The following SLC4A4 variants were observed in gnomAD, a reference collection of about 807,000 sequenced individuals.
SLC4A4 encodes solute carrier family 4 member 4.
Under a neutral mutation model 111.5 loss-of-function variants are expected in SLC4A4, and 27 were observed. The ratio of observed to expected loss-of-function variants is 0.24; its 90% CI spans 0.18 to 0.33. The LOEUF (loss-of-function observed/expected upper bound fraction) is 0.33. SLC4A4 is among the 10% of genes least tolerant of loss of function. The pLI is 1.00. For missense variants in SLC4A4, 909 were observed against 1,315.5 expected, an observed-to-expected ratio of 0.69 and a Z score of 4.78; for synonymous variants, 443 against 463.4, an observed-to-expected ratio of 0.96 and a Z score of 0.57.
At chr4:71,293,551 TA>T (rs201768749) in intron 3 of SLC4A4, among the ~76,000 whole-genome samples, 13,298 of 140,314 alleles carry the variant, frequency 0.095, 821 homozygotes, top group Admixed American at 0.23. Context: ...CGACTCCGTC[TA>T]AAAAAAAAAA....
chr4:71,542,348 T>A (rs1735145396), intron 18 of SLC4A4, among the ~76,000 whole-genome samples: 1 of 152,082 alleles, frequency 6.6e-6, no homozygotes, highest in Non-Finnish European at 1.5e-5. Context: ...CTGCCTCTAA[T>A]CTTGACCACT....
At chr4:71,286,098 G>C (rs1723893193) in intron 3 of SLC4A4, among the ~76,000 whole-genome samples, 1 of 152,130 alleles carries the variant, frequency 6.6e-6, no homozygotes, top group South Asian at 2.1e-4. Context: ...AAATTAGACA[G>C]GCATGGTGGC....
intron 14 of SLC4A4, among the ~76,000 whole-genome samples, chr4:71,475,175 CTTTGAGATATTCATGA>C (rs1728248375): frequency 6.6e-6 from 1 of 151,250 alleles, no homozygotes. Flanking sequence ...AAAAAAAACA[CTTTGAGATATTCATGA>C]AGCCAGATGT....
chr4:71,309,824 C>T (rs939494668), intron 3 of SLC4A4, among the ~76,000 whole-genome samples: 37 of 151,748 alleles, frequency 2.4e-4, no homozygotes, highest in African/African-American at 7.3e-4. Flanking sequence ...AATGGGACAC[C>T]GAATGAGTTT....
At chr4:71,487,068 T>A in intron 15 of SLC4A4, 50 bp downstream of exon 15, 1 of 1,049,632 alleles carries the variant, frequency 9.5e-7, no homozygotes, top group Non-Finnish European at 1.5e-6. Context: ...GCATATTGTA[T>A]ACTTGTTTAT....
chr4:71,250,025 T>C (rs1214606140), intron 2 of SLC4A4, among the ~76,000 whole-genome samples: 1 of 152,222 alleles, frequency 6.6e-6, no homozygotes, highest in Non-Finnish European at 1.5e-5. Flanking sequence ...AGTTTTCTTA[T>C]GCATATACTT....
chr4:71,199,803 A>G (rs907451857), intron 1 of SLC4A4, among the ~76,000 whole-genome samples: 2 of 152,050 alleles, frequency 1.3e-5, no homozygotes, highest in African/African-American at 4.8e-5. Context: ...GGAGCGCACC[A>G]CCATGCCTGG....
At chr4:71,528,662 GAT>G (rs759918514) in intron 16 of SLC4A4, among the ~76,000 whole-genome samples, 6 of 151,874 alleles carry the variant, frequency 4.0e-5, no homozygotes, top group Non-Finnish European at 7.4e-5. Flanking sequence ...TTTTTTTTAT[GAT>G]ATTGTTCATT....
intron 6 of SLC4A4, among the ~76,000 whole-genome samples, chr4:71,377,796 T>A (rs1328428689): frequency 2.0e-5 from 3 of 152,154 alleles, no homozygotes. Context: ...ATCATGTTTG[T>A]GTATATTTCA....
intron 5 of SLC4A4, among the ~76,000 whole-genome samples, chr4:71,354,151 A>T (rs1730083976): frequency 6.6e-6 from 1 of 152,152 alleles, no homozygotes; most frequent in African/African-American, 2.4e-5. Context: ...TCACGTATGA[A>T]GCCGAGTCTA....
At chr4:71,447,851 A>G (rs753837367) in intron 9 of SLC4A4, 118 bp downstream of exon 9, 2 of 745,520 alleles carry the variant, frequency 2.7e-6, no homozygotes, top group Non-Finnish European at 4.8e-6. Flanking sequence ...TCCTTATAGC[A>G]TGAGGTACGG....
At chr4:71,385,862 C>T (rs1718667727) in intron 6 of SLC4A4, among the ~76,000 whole-genome samples, 1 of 152,192 alleles carries the variant, frequency 6.6e-6, no homozygotes, top group Non-Finnish European at 1.5e-5. Context: ...TTCCACATCA[C>T]TGCACAGTGG....
intron 2 of SLC4A4, among the ~76,000 whole-genome samples, chr4:71,146,734 G>C (rs1251197058): frequency 6.6e-6 from 1 of 151,974 alleles, no homozygotes; most frequent in African/African-American, 2.4e-5. Context: ...AGCTCCTGAA[G>C]GAAGCACTAA....
chr4:71,085,546 A>G (rs1387648473), intron 1 of SLC4A4, among the ~76,000 whole-genome samples: 1 of 152,030 alleles, frequency 6.6e-6, no homozygotes, highest in Non-Finnish European at 1.5e-5. Context: ...TAGGTCTGAC[A>G]TTTAAGTCTT....
In SLC4A4 at chr4:71,406,129, T is replaced by C. The variant is rs1720827876; in HGVS notation, c.807+8476T>C. ...GGACAAGTGTTCCCTTTGAATATTA[T>C]TCAACACATTTGCAGCTTGGATCTA... On this transcript the variant is annotated intron_variant, in intron 7 of 25. Coordinates refer to ENST00000264485, the MANE Select transcript of SLC4A4 (RefSeq NM_001098484.3). Among the ~76,000 whole-genome samples the C allele has an allele frequency of 2.6e-5, 4 of 152,238 alleles. No individual in the cohort carries two copies. In the South Asian group the frequency reaches 8.3e-4, roughly 32 times the overall value.
At chr4:71,424,317 C>T (rs1200761040) in intron 7 of SLC4A4, among the ~76,000 whole-genome samples, 2 of 151,926 alleles carry the variant, frequency 1.3e-5, no homozygotes, top group Non-Finnish European at 2.9e-5. Context: ...GTTTGAATGG[C>T]AATCGTTAAA....
At chr4:71,314,386 A>C (rs1726490803) in intron 3 of SLC4A4, among the ~76,000 whole-genome samples, 1 of 152,200 alleles carries the variant, frequency 6.6e-6, no homozygotes, top group Non-Finnish European at 1.5e-5. Context: ...AGAACCAGAA[A>C]TAACATTTGA....
intron 3 of SLC4A4, among the ~76,000 whole-genome samples, chr4:71,292,766 A>G (rs1724454380): frequency 6.6e-6 from 1 of 152,128 alleles, no homozygotes. Context: ...TACAAACGAA[A>G]GAGGAAAGAA....
intron 3 of SLC4A4, among the ~76,000 whole-genome samples, chr4:71,333,995 G>C (rs777551687): frequency 6.6e-6 from 1 of 152,028 alleles, no homozygotes; most frequent in Non-Finnish European, 1.5e-5. Context: ...GAGCCTGCTT[G>C]GTACTCTGCT....
Sources: allele counts gnomAD v4.1 joint callset (sites outside exome capture counted in the v4.1 genomes callset), GRCh38; gene constraint gnomAD v4.1.1; transcripts MANE v1.5; gene names NCBI Gene and HGNC (gene_info 2026-07-23, HGNC 2026-07-21).